PFKFB3: variants seen among roughly 807,000 people sequenced by gnomAD.
PFKFB3 encodes the protein 6-phosphofructo-2-kinase/fructose-2,6-bisphosphatase 3.
In PFKFB3, 33 loss-of-function variants were observed where a neutral mutation model predicts 68.0. That is an observed-to-expected ratio of 0.49 (90% CI 0.37 to 0.65). PFKFB3 has a LOEUF of 0.65. Among genes scored for constraint, PFKFB3 ranks in the 30% least tolerant of loss-of-function variants. The probability of loss-of-function intolerance (pLI) is 0.00; values close to 1 mark genes in which losing one functional copy is unlikely to be tolerated. For missense variants in PFKFB3, 586 were observed against 712.2 expected (o/e 0.82, Z 2.02); for synonymous variants, 315 against 288.2 (o/e 1.09, Z -0.94).
chr10:6,281,514 A>G, the PFKFB3 span, among the ~76,000 whole-genome samples: 1 of 152,114 alleles, frequency 6.6e-6, no homozygotes, highest in Non-Finnish European at 1.5e-5. Flanking sequence ...CCATAACAGC[A>G]TCTTCCATAG....
At chr10:6,311,723 T>C in the PFKFB3 span, among the ~76,000 whole-genome samples, 1 of 151,866 alleles carries the variant, frequency 6.6e-6, no homozygotes, top group Middle Eastern at 3.4e-3. Context: ...CACGTCAGCG[T>C]GGGTGACAGA....
chr10:6,213,179 G>A (rs755169190), intron 1 of PFKFB3, among the ~76,000 whole-genome samples: 1 of 152,180 alleles, frequency 6.6e-6, no homozygotes, highest in Non-Finnish European at 1.5e-5. Flanking sequence ...GTGGCCACTA[G>A]GGTTGCCTGG....
chr10:6,217,260 G>T, intron 6 of PFKFB3, 69 bp downstream of exon 6: 1 of 1,383,886 alleles, frequency 7.2e-7, no homozygotes, highest in Non-Finnish European at 1.0e-6. Flanking sequence ...GTCTGAGGAA[G>T]TGGGGGACCG....
At chr10:6,313,968 A>C in the PFKFB3 span, among the ~76,000 whole-genome samples, 1 of 152,238 alleles carries the variant, frequency 6.6e-6, no homozygotes, top group Non-Finnish European at 1.5e-5. The surrounding 1 kb of genome is among the most constrained non-coding windows in gnomAD (Gnocchi z 4.2). Flanking sequence ...CAGAGGAGGC[A>C]GGCAGGGGAC....
At chr10:6,292,301 T>TTTTTTTTTTTTC in the PFKFB3 span, among the ~76,000 whole-genome samples, 1 of 129,092 alleles carries the variant, frequency 7.7e-6, no homozygotes, top group East Asian at 2.7e-4. Flanking sequence ...TTTTTTTTTT[T>TTTTTTTTTTTTC]TGAGACAGAG....
At position 6,213,620 on chromosome 10, in the gene PFKFB3, C is replaced by T. The variant is rs1844375682; in HGVS notation, c.77-3C>T. 6.2e-7 allele frequency: 1 copy of T among 1,609,592 alleles called. No homozygotes were observed. Among genetic ancestry groups the T allele is most frequent in the Non-Finnish European group, 8.5e-7 (1 of 1,177,746 alleles). ...GACACACCCTTCTTGCTTGTTTTTC[C>T]AGCCTGTGGGCCAAAGCTGACCAAC... On this transcript the variant is annotated splice_polypyrimidine_tract_variant and splice_region_variant and intron_variant, in intron 1 of 14. Coordinates refer to ENST00000379775, the MANE Select transcript of PFKFB3 (RefSeq NM_004566.4).
At chr10:6,226,998 A>G (rs760146070) in intron 14 of PFKFB3, among the ~76,000 whole-genome samples, 3 of 152,012 alleles carry the variant, frequency 2.0e-5, no homozygotes, top group Admixed American at 6.6e-5. Context: ...AGGCAGGAGA[A>G]TTGCTTGAAC....
the PFKFB3 span, among the ~76,000 whole-genome samples, chr10:6,290,585 A>G: frequency 1.4e-5 from 2 of 145,724 alleles, no homozygotes; most frequent in Admixed American, 1.4e-4. Context: ...TACAACCTCC[A>G]CCTCCTGGGT....
chr10:6,224,208 T>A lies in PFKFB3; in HGVS notation c.1336T>A (p.Ser446Thr). 6.2e-7 allele frequency: 1 copy of A among 1,613,550 alleles called. No individual in the cohort carries two copies. Among genetic ancestry groups the A allele is most frequent in the Non-Finnish European group, 8.5e-7 (1 of 1,179,846 alleles). The change falls in exon 13 of 15, where the codon TCA becomes ACA. Residue 446 changes from serine (S) to threonine (T), a missense_variant. Coordinates refer to ENST00000379775, the MANE Select transcript of PFKFB3 (RefSeq NM_004566.4). ...GTCCGTCTGCACACACCGGGAGAGG[T>A]CAGAGGTGAGTGGAGGCCCCAAGCC... ...VESVCTHRER[S>T]EDAKKGPNPL...
At chr10:6,301,913 A>G in the PFKFB3 span, among the ~76,000 whole-genome samples, 40 of 152,238 alleles carry the variant, frequency 2.6e-4, no homozygotes, top group African/African-American at 3.9e-4. Flanking sequence ...TGACTAACCA[A>G]CCTCGTAAGT....
Position 6,235,230 on chromosome 10 carries a change from C to T in PFKFB3, c.*2288C>T, listed in dbSNP as rs1464487533. 2 of 152,688 alleles carry T rather than the reference C, an allele frequency of 1.3e-5. No individual in the cohort carries two copies. The highest frequency in any genetic ancestry group is 4.8e-5 in the African/African-American group (2 of 41,430). The allele number at this position is 152,688 out of a possible 1,614,324, so 9.5% of individuals were successfully genotyped here. ...GAAGAAAAACTGTTTGGAACCACACCAATGATATTTTTCTTTGTAATACTT... is the reference window on the plus strand; with the variant it reads ...GAAGAAAAACTGTTTGGAACCACACTAATGATATTTTTCTTTGTAATACTT... On this transcript the variant is annotated 3_prime_UTR_variant, in exon 15 of 15. Coordinates refer to ENST00000379775, the MANE Select transcript of PFKFB3 (RefSeq NM_004566.4).
In PFKFB3 at chr10:6,179,338, C is replaced by T. The variant is rs374075106; in HGVS notation, c.17-34285C>T. 5.8e-4 allele frequency among the ~76,000 whole-genome samples: 89 copies of T among 152,316 alleles called. 1 individual carries two copies. The South Asian group carries it at 0.013, about 23-fold the overall frequency. On this transcript the variant is annotated intron_variant, in intron 1 of 14. Coordinates refer to the PFKFB3 transcript ENST00000379789. The stretch of plus-strand genomic sequence containing the variant: ...CAAGAGCCCAAACTCATCTGCGCTG[C>T]GCTGCTTTTGAGCCACACAAATCCA...
At chr10:6,295,096 T>C in the PFKFB3 span, among the ~76,000 whole-genome samples, 8 of 152,212 alleles carry the variant, frequency 5.3e-5, no homozygotes, top group East Asian at 3.8e-4. Context: ...GAGGCTGTGT[T>C]CACTGTTTGC....
chr10:6,231,763 G>C (rs1168515829), intron 14 of PFKFB3, among the ~76,000 whole-genome samples: 1 of 151,678 alleles, frequency 6.6e-6, no homozygotes, highest in Non-Finnish European at 1.5e-5. Context: ...CCTTCGGCGG[G>C]CACCCATCAA....
At chr10:6,273,433 G>A in the PFKFB3 span, among the ~76,000 whole-genome samples, 1 of 151,964 alleles carries the variant, frequency 6.6e-6, no homozygotes, top group African/African-American at 2.4e-5. Context: ...ACCTACAATC[G>A]CACGGCCCTT....
At chr10:6,241,129 A>T (rs1846131179) in intron 14 of PFKFB3, among the ~76,000 whole-genome samples, 1 of 151,316 alleles carries the variant, frequency 6.6e-6, no homozygotes, top group South Asian at 2.1e-4. Flanking sequence ...CTGGTCTCGA[A>T]CTCCTGACCT....
rs1842425672 is a variant in PFKFB3 at position 6,175,113 on chromosome 10, CTG to C, written c.16+30102_16+30103del. On this transcript the variant is annotated intron_variant, in intron 1 of 14. Coordinates refer to the PFKFB3 transcript ENST00000379789. ...ACAGGCGTGAGCCAGTGCCCCCAGA[CTG>C]TTTTGTTTCTTTTCTTTCAAAATTA... 3.3e-5 allele frequency among the ~76,000 whole-genome samples: 5 copies of C among 152,326 alleles called. No homozygotes were observed. The South Asian group carries it at 1.0e-3, about 32-fold the overall frequency.
intron 1 of PFKFB3, among the ~76,000 whole-genome samples, chr10:6,151,598 C>T (rs907924442): frequency 2.6e-5 from 4 of 152,032 alleles, no homozygotes; most frequent in Admixed American, 6.6e-5. Context: ...TGACCCCTGG[C>T]GATCAGATTC....
chr10:6,145,059 A>G (rs1353714080), intron 1 of PFKFB3: 1 of 1,297,164 alleles, frequency 7.7e-7, no homozygotes, highest in Non-Finnish European at 9.8e-7. Flanking sequence ...GCGCGCGGGG[A>G]CCTGAGCGGC....
Sources: allele counts gnomAD v4.1 joint callset (sites outside exome capture counted in the v4.1 genomes callset), GRCh38; gene constraint gnomAD v4.1.1; non-coding constraint Gnocchi (gnomAD v3.1); transcripts MANE v1.5; gene names NCBI Gene and HGNC (gene_info 2026-07-23, HGNC 2026-07-21).